The following NPAS3 variants were observed in gnomAD, a reference collection of about 807,000 sequenced individuals.
NPAS3 encodes the protein neuronal PAS domain protein 3, also known as neuronal PAS domain-containing protein 3.
Under a neutral mutation model 73.1 loss-of-function variants are expected in NPAS3, and 14 were observed. The observed-to-expected ratio is 0.19, with a 90% confidence interval of 0.13 to 0.30. The LOEUF is 0.30. Ranked by LOEUF, NPAS3 falls within the 10% of genes least tolerant of loss-of-function variation. The pLI, the probability that NPAS3 is intolerant of heterozygous loss-of-function variation, is 1.00. For missense variants in NPAS3, 1,096 were observed against 1,250.0 expected (o/e 0.88, Z 1.86); for synonymous variants, 620 against 541.5 (o/e 1.14, Z -2.01).
chr14:33,522,806 C>A (rs1272569775), intron 4 of NPAS3, among the ~76,000 whole-genome samples: 1 of 152,090 alleles, frequency 6.6e-6, no homozygotes, highest in East Asian at 1.9e-4. Flanking sequence ...ATGTTTTGTG[C>A]TTGCTGAGGT....
At chr14:33,305,773 A>C (rs1426361219) in intron 3 of NPAS3, among the ~76,000 whole-genome samples, 1 of 152,154 alleles carries the variant, frequency 6.6e-6, no homozygotes, top group Non-Finnish European at 1.5e-5. Flanking sequence ...CCAGTGAGTT[A>C]TATTATTGTG....
chr14:33,358,130 G>C (rs1315136), intron 3 of NPAS3, among the ~76,000 whole-genome samples: 1 of 152,168 alleles, frequency 6.6e-6, no homozygotes, highest in East Asian at 1.9e-4. Context: ...TCAGAACACG[G>C]AGGTGATACA....
intron 4 of NPAS3, among the ~76,000 whole-genome samples, chr14:33,466,268 C>T (rs1174826118): frequency 3.9e-5 from 6 of 152,150 alleles, no homozygotes. Context: ...GGTCATTCTG[C>T]TGGAGACCCC....
At chr14:33,048,612 AG>A (rs2138471568) in intron 1 of NPAS3, among the ~76,000 whole-genome samples, 1 of 152,364 alleles carries the variant, frequency 6.6e-6, no homozygotes, top group East Asian at 1.9e-4. Context: ...CAAACCATGT[AG>A]AACTTGCATT....
intron 2 of NPAS3, among the ~76,000 whole-genome samples, chr14:33,172,066 G>A (rs2045411033): frequency 6.6e-6 from 1 of 152,060 alleles, no homozygotes; most frequent in Non-Finnish European, 1.5e-5. Flanking sequence ...CATGATTTGT[G>A]TACCCCCAAA....
chr14:33,015,837 A>G (rs1412437875), intron 1 of NPAS3, among the ~76,000 whole-genome samples: 3 of 152,216 alleles, frequency 2.0e-5, no homozygotes, highest in Non-Finnish European at 4.4e-5. Context: ...AAATGTTTCA[A>G]CAGTAAACAT....
intron 6 of NPAS3, among the ~76,000 whole-genome samples, chr14:33,679,898 A>AT (rs1285837130): frequency 6.6e-6 from 1 of 152,344 alleles, no homozygotes; most frequent in Non-Finnish European, 1.5e-5. Context: ...ATGTATGCAC[A>AT]TTTTTTAACA....
chr14:33,295,419 C>T (rs2042256568), intron 3 of NPAS3, among the ~76,000 whole-genome samples: 1 of 152,172 alleles, frequency 6.6e-6, no homozygotes, highest in Non-Finnish European at 1.5e-5. Context: ...GCTTTCATTT[C>T]TATCTAGCTC....
chr14:33,435,701 T>C (rs530841586), intron 4 of NPAS3, among the ~76,000 whole-genome samples: 4 of 152,132 alleles, frequency 2.6e-5, no homozygotes, highest in Admixed American at 2.6e-4. Flanking sequence ...TACCCAAGGG[T>C]GGAGACAGAC....
At chr14:33,726,634 C>T (rs8016678) in intron 6 of NPAS3, among the ~76,000 whole-genome samples, 105 of 152,230 alleles carry the variant, frequency 6.9e-4, no homozygotes, top group African/African-American at 2.4e-3. Context: ...TAGCATTCAT[C>T]ACCACCTGAA....
intron 5 of NPAS3, among the ~76,000 whole-genome samples, chr14:33,659,389 A>C (rs999035111): frequency 2.6e-5 from 4 of 152,204 alleles, no homozygotes; most frequent in Non-Finnish European, 5.9e-5. Flanking sequence ...AACATGTAAG[A>C]GCGTTAGAAA....
chr14:33,779,633 C>G (rs1008182281), intron 9 of NPAS3, among the ~76,000 whole-genome samples: 4 of 152,224 alleles, frequency 2.6e-5, no homozygotes, highest in African/African-American at 9.6e-5. Context: ...CACTGTGTTA[C>G]AGTTGCCTAC....
chr14:33,522,998 T>C (rs1323007322), intron 4 of NPAS3, among the ~76,000 whole-genome samples: 2 of 152,108 alleles, frequency 1.3e-5, no homozygotes, highest in East Asian at 3.9e-4. Context: ...AGAATATCCT[T>C]ATAGGCATGC....
intron 4 of NPAS3, among the ~76,000 whole-genome samples, chr14:33,388,038 T>A (rs1046506790): frequency 1.3e-5 from 2 of 152,112 alleles, no homozygotes; most frequent in Non-Finnish European, 2.9e-5. Context: ...CATAGGGGTG[T>A]GACCTTGAGT....
chr14:33,251,144 T>G (rs936645989), intron 3 of NPAS3, among the ~76,000 whole-genome samples: 1 of 152,104 alleles, frequency 6.6e-6, no homozygotes, highest in Admixed American at 6.6e-5. Context: ...CATGCTGCCT[T>G]TTGTCAGTAA....
At chr14:33,193,614 A>C (rs2046247781) in intron 2 of NPAS3, among the ~76,000 whole-genome samples, 1 of 152,206 alleles carries the variant, frequency 6.6e-6, no homozygotes, top group Non-Finnish European at 1.5e-5. Context: ...TGTCCTACTT[A>C]TTTTAAGATT....
At chr14:32,965,225 C>T (rs184515157) in intron 1 of NPAS3, among the ~76,000 whole-genome samples, 43 of 152,246 alleles carry the variant, frequency 2.8e-4, no homozygotes, top group African/African-American at 9.9e-4. Context: ...AAAAGGCTAA[C>T]ATTACCCTGA....
At chr14:33,528,924 C>T (rs573216582) in intron 4 of NPAS3, among the ~76,000 whole-genome samples, 13 of 152,130 alleles carry the variant, frequency 8.5e-5, no homozygotes, top group Non-Finnish European at 1.8e-4. Context: ...ACCTGAGCAA[C>T]TCAATAATGT....
intron 1 of NPAS3, among the ~76,000 whole-genome samples, chr14:33,034,528 T>C (rs1167738998): frequency 6.6e-6 from 1 of 151,586 alleles, no homozygotes; most frequent in Non-Finnish European, 1.5e-5. Flanking sequence ...TATTAATACA[T>C]ATTTATTAAT....
Sources: allele counts gnomAD v4.1 joint callset (sites outside exome capture counted in the v4.1 genomes callset), GRCh38; gene constraint gnomAD v4.1.1; transcripts MANE v1.5; gene names NCBI Gene and HGNC (gene_info 2026-07-23, HGNC 2026-07-21).